MS4A4A: variants seen among roughly 807,000 people sequenced by gnomAD.
MS4A4A encodes the protein membrane-spanning 4-domains subfamily A member 4A.
Under a neutral mutation model 28.0 loss-of-function variants are expected in MS4A4A, and 26 were observed. The observed-to-expected ratio is 0.93, with a 90% confidence interval of 0.68 to 1.29. The LOEUF (loss-of-function observed/expected upper bound fraction) is 1.29, where lower values mean the gene tolerates loss of function less well. MS4A4A is among the 50% of genes most tolerant of loss of function. MS4A4A has a pLI of 0.00. For synonymous variants in MS4A4A, 86 were observed against 100.8 expected (o/e 0.85, Z 0.88); for missense variants, 290 against 293.1 (o/e 0.99, Z 0.08).
At position 60,292,290 on chromosome 11, in the gene MS4A4A, G is replaced by T; in HGVS notation, c.107G>T (p.Gly36Val). 3 of 1,607,888 alleles carry T rather than the reference G, an allele frequency of 1.9e-6. No homozygotes were observed. The highest frequency in any genetic ancestry group is 3.3e-4 in the Middle Eastern group (2 of 6,038). ...CAGGCCATGCCAGGGGCTGGCCCTG[G>T]TGTGCCCCAGCTGGGAAACATGGCT... ...MEQAMPGAGP[G>V]VPQLGNMAVI... Residue 36 changes from glycine (G) to valine (V), a missense_variant, in exon 2 of 7, where the codon GGT becomes GTT. By Grantham distance (109) the Gly-to-Val change is moderately radical (BLOSUM62 -3). Transcript: ENST00000337908.
At chr11:60,299,160 A>G (rs1030495462) in intron 3 of MS4A4A, among the ~76,000 whole-genome samples, 6 of 152,196 alleles carry the variant, frequency 3.9e-5, no homozygotes, top group Non-Finnish European at 5.9e-5. Context: ...TGTTTTTCCA[A>G]GGTGCCTTAT....
Position 60,306,107 on chromosome 11 carries a change from A to G in MS4A4A, c.554A>G (p.Asp185Gly), listed in dbSNP as rs1379384814. 1.2e-6 allele frequency: 2 copies of G among 1,611,770 alleles called. No individual in the cohort carries two copies. Among genetic ancestry groups the G allele is most frequent in the Admixed American group, 3.3e-5 (2 of 59,866 alleles). The change falls in exon 6 of 7, where the codon GAT (aspartate) becomes GGT (glycine). Residue 185 changes from aspartate (D) to glycine (G), a missense_variant. Asp to Gly is a moderately conservative substitution (Grantham distance 94). Transcript: ENST00000337908. ...TTATGAGTTTTCTCCTAGGGTCTGG[A>G]TGGCATGGTGCTCCTCCTAAGTGTG... ...HGTMSILMGL[D>G]GMVLLLSVLE...
intron 4 of MS4A4A, 142 bp from the exon 5 acceptor site, chr11:60,302,417 C>T: frequency 1.2e-6 from 1 of 853,492 alleles, no homozygotes; most frequent in Non-Finnish European, 1.8e-6. Context: ...GAGTTGAAAC[C>T]ACAAGACAAG....
At chr11:60,283,657 T>C (rs1160738048) in intron 1 of MS4A4A, among the ~76,000 whole-genome samples, 1 of 152,220 alleles carries the variant, frequency 6.6e-6, no homozygotes, top group Non-Finnish European at 1.5e-5. Context: ...AGTAGGTAAA[T>C]TGTCAATTTA....
At chr11:60,304,522 G>A (rs1024914721) in intron 5 of MS4A4A, among the ~76,000 whole-genome samples, 2 of 152,168 alleles carry the variant, frequency 1.3e-5, no homozygotes, top group Non-Finnish European at 2.9e-5. Flanking sequence ...CTCCATAAGG[G>A]CTTCCTGGGA....
chr11:60,292,462 C>T, intron 2 of MS4A4A, 78 bp downstream of exon 2: 1 of 1,394,462 alleles, frequency 7.2e-7, no homozygotes, highest in Non-Finnish European at 9.5e-7. Context: ...ATACACTGTC[C>T]CACTAGCCTC....
At chr11:60,304,796 C>T (rs1011807778) in intron 5 of MS4A4A, among the ~76,000 whole-genome samples, 1 of 152,192 alleles carries the variant, frequency 6.6e-6, no homozygotes, top group African/African-American at 2.4e-5. Context: ...CTGGCCTTTA[C>T]AGAAAGCTTG....
intron 6 of MS4A4A, 33 bp downstream of exon 6, chr11:60,306,234 A>T: frequency 1.3e-6 from 2 of 1,498,396 alleles, no homozygotes; most frequent in Non-Finnish European, 1.9e-6. Context: ...AGATGACTGT[A>T]TTAGTTTTCT....
intron 4 of MS4A4A, 59 bp from the exon 5 acceptor site, chr11:60,302,500 C>A (rs2084960433): frequency 2.0e-6 from 3 of 1,534,062 alleles, no homozygotes; most frequent in Non-Finnish European, 2.7e-6. Flanking sequence ...TAAAGTGATT[C>A]ATGGAGATAT....
chr11:60,283,148 C>G lies in MS4A4A; in HGVS notation c.41+2432C>G, dbSNP rs148652176. 4.6e-5 allele frequency among the ~76,000 whole-genome samples: 7 copies of G among 152,110 alleles called. 1 individual carries two copies. In the East Asian group the frequency reaches 1.2e-3, roughly 25 times the overall value. On this transcript the variant is annotated intron_variant, in intron 1 of 6. Coordinates refer to ENST00000337908, the MANE Select transcript of MS4A4A (RefSeq NM_148975.3). ...CACTGTGTTGCCCAGGCTGGAGTACCCTGATGCCATTGTGGCTTACTGCAG... is the reference window on the plus strand; with the variant it reads ...CACTGTGTTGCCCAGGCTGGAGTACGCTGATGCCATTGTGGCTTACTGCAG...
intron 3 of MS4A4A, among the ~76,000 whole-genome samples, chr11:60,297,882 A>G (rs1334165556): frequency 6.6e-6 from 1 of 152,202 alleles, no homozygotes; most frequent in African/African-American, 2.4e-5. Context: ...ATGATGGTTT[A>G]GTTAGCAAGG....
In MS4A4A at chr11:60,308,273, T is replaced by C. The variant is rs1042935448; in HGVS notation, c.*95T>C. The C allele has an allele frequency of 5.6e-6, 6 of 1,069,112 alleles. No individual in the cohort carries two copies. The African/African-American group carries it at 9.4e-5, about 17-fold the overall frequency. 66.2% of individuals were successfully genotyped at this position (1,069,112 alleles called of 1,614,324 possible). ...AGAAATTACCAGTATCCAACTTCGATACTGATAGACTTGTTGATATTATTA... is the reference window on the plus strand; with the variant it reads ...AGAAATTACCAGTATCCAACTTCGACACTGATAGACTTGTTGATATTATTA... On this transcript the variant is annotated 3_prime_UTR_variant, in exon 7 of 7. Transcript: ENST00000337908.
intron 2 of MS4A4A, among the ~76,000 whole-genome samples, chr11:60,295,956 TG>T (rs1010831933): frequency 5.3e-5 from 8 of 152,074 alleles, no homozygotes; most frequent in African/African-American, 1.7e-4. Context: ...TTTCTTTTCT[TG>T]TAATGTTTTT....
At chr11:60,302,439 T>C (rs978115176) in intron 4 of MS4A4A, 120 bp from the exon 5 acceptor site, 26 of 1,001,810 alleles carry the variant, frequency 2.6e-5, no homozygotes, top group Admixed American at 5.4e-5. Flanking sequence ...TAGAAGACTA[T>C]TGAAATAATC....
Position 60,292,374 on chromosome 11 carries a change from A to C in MS4A4A, c.191A>C (p.Lys64Thr). 6.3e-7 allele frequency: 1 copy of C among 1,595,540 alleles called. No individual in the cohort carries two copies. The highest frequency in any genetic ancestry group is 8.5e-7 in the Non-Finnish European group (1 of 1,172,828). The change falls in exon 2 of 7, where the codon AAA becomes ACA. Residue 64 changes from lysine (K) to threonine (T), a missense_variant. Transcript: ENST00000337908. ...LQEKFLKGEP[K>T]VLGVVQILTA... ...GAGAAGTTCTTGAAGGGAGAACCCAAAGTCCTTGGGGTAAGTTGCAAATCT... is the reference window on the plus strand; with the variant it reads ...GAGAAGTTCTTGAAGGGAGAACCCACAGTCCTTGGGGTAAGTTGCAAATCT...
At chr11:60,290,246 A>G in intron 1 of MS4A4A, 1 of 262,952 alleles carries the variant, frequency 3.8e-6, no homozygotes, top group Middle Eastern at 5.7e-4. Flanking sequence ...ATAAACAGTA[A>G]TTTATGTTGT....
intron 1 of MS4A4A, among the ~76,000 whole-genome samples, chr11:60,281,431 CACAAGTT>C (rs1460014853): frequency 2.5e-4 from 38 of 152,156 alleles, no homozygotes; most frequent in Non-Finnish European, 5.3e-4. Context: ...CCCAGAATCA[CACAAGTT>C]AACAAAAGGG....
intron 2 of MS4A4A, among the ~76,000 whole-genome samples, chr11:60,294,666 T>C (rs2084886393): frequency 6.6e-6 from 1 of 152,116 alleles, no homozygotes; most frequent in African/African-American, 2.4e-5. Flanking sequence ...TATTCTTACT[T>C]ATGGATATCA....
At chr11:60,307,774 A>T (rs1416492908) in intron 6 of MS4A4A, among the ~76,000 whole-genome samples, 3 of 152,200 alleles carry the variant, frequency 2.0e-5, no homozygotes, top group Non-Finnish European at 4.4e-5. Flanking sequence ...TGTCATCAGC[A>T]TGAACAACCT....
Sources: allele counts gnomAD v4.1 joint callset (sites outside exome capture counted in the v4.1 genomes callset), GRCh38; gene constraint gnomAD v4.1.1; transcripts MANE v1.5; gene names NCBI Gene and HGNC (gene_info 2026-07-23, HGNC 2026-07-21).